The following FBLN2 variants were observed in gnomAD, a reference collection of about 807,000 sequenced individuals.
FBLN2 encodes fibulin-2.
A neutral mutation model predicts 123.7 loss-of-function variants in FBLN2; 81 were observed. That is an observed-to-expected ratio of 0.65 (90% CI 0.55 to 0.79). The LOEUF is 0.79. FBLN2 is among the 30% of genes least tolerant of loss of function. FBLN2 has a pLI of 0.00. For synonymous variants in FBLN2, 699 were observed against 701.4 expected (o/e 1.00, Z 0.05); for missense variants, 1,603 against 1,681.3 (o/e 0.95, Z 0.81).
At chr3:13,573,912 A>G (rs1285056054) in intron 2 of FBLN2, among the ~76,000 whole-genome samples, 1 of 151,622 alleles carries the variant, frequency 6.6e-6, no homozygotes, top group Non-Finnish European at 1.5e-5. Context: ...AAAAAAAAAA[A>G]AAAAGGGAAC....
chr3:13,621,330 C>G (rs568366570), intron 8 of FBLN2, among the ~76,000 whole-genome samples: 48 of 152,340 alleles, frequency 3.2e-4, no homozygotes, highest in African/African-American at 1.1e-3. Context: ...ATACAAGGGG[C>G]CCACACCCCT....
chr3:13,621,627 C>A, intron 8 of FBLN2, 148 bp from the exon 9 acceptor site: 1 of 776,000 alleles, frequency 1.3e-6, no homozygotes, highest in Non-Finnish European at 2.1e-6. Flanking sequence ...ACACTTGGGC[C>A]CAAGGCCCAG....
At position 13,571,570 on chromosome 3, in the gene FBLN2, G is replaced by A. The variant is rs1160133811; in HGVS notation, c.1215G>A (p.Val405=). 9.9e-6 allele frequency: 16 copies of A among 1,613,514 alleles called. No homozygotes were observed. Among genetic ancestry groups the A allele is most frequent in the Non-Finnish European group, 1.2e-5 (14 of 1,179,824 alleles). The change falls in exon 2 of 18, where the codon GTG becomes GTA. Residue 405 remains valine (V), a synonymous_variant. Coordinates refer to ENST00000404922, the MANE Select transcript of FBLN2 (RefSeq NM_001004019.2). ...CCTGGATCCCACCCACCCGAGAAGT[G>A]CCCAGGAAGCCGCAAGTTCTGCCCC... is the stretch of plus-strand genomic sequence containing the variant. ...DAAWIPPTRE[V]PRKPQVLPHS...
intron 1 of FBLN2, among the ~76,000 whole-genome samples, 174 bp from the exon 2 acceptor site, chr3:13,570,141 C>A (rs1703881612): frequency 1.3e-5 from 2 of 152,116 alleles, no homozygotes; most frequent in African/African-American, 2.4e-5. Context: ...GTGATCTGAC[C>A]CATGTGTGGC....
intron 1 of FBLN2, among the ~76,000 whole-genome samples, chr3:13,549,885 G>A (rs1289818896): frequency 1.3e-5 from 2 of 152,042 alleles, no homozygotes; most frequent in Admixed American, 6.5e-5. Flanking sequence ...CACATGCCTT[G>A]CACATTGGCA....
intron 2 of FBLN2, among the ~76,000 whole-genome samples, chr3:13,578,141 GTTTCTTTAAT>G (rs749622264): frequency 7.9e-5 from 12 of 152,194 alleles, no homozygotes; most frequent in Non-Finnish European, 1.5e-4. Flanking sequence ...CCTGCGGTGG[GTTTCTTTAAT>G]TTTAAAAACT....
chr3:13,573,400 G>C (rs1318274735), intron 2 of FBLN2, among the ~76,000 whole-genome samples: 1 of 152,058 alleles, frequency 6.6e-6, no homozygotes, highest in Non-Finnish European at 1.5e-5. Context: ...TGACCCCCAG[G>C]AGGAGTCAGA....
intron 1 of FBLN2, among the ~76,000 whole-genome samples, chr3:13,552,989 C>T (rs1264236931): frequency 6.6e-6 from 1 of 152,142 alleles, no homozygotes; most frequent in Admixed American, 6.5e-5. Flanking sequence ...GAGGAGAACG[C>T]TGAAGCCATG....
intron 10 of FBLN2, 25 bp from the exon 11 acceptor site, chr3:13,627,807 T>G: frequency 6.2e-7 from 1 of 1,605,152 alleles, no homozygotes; most frequent in African/African-American, 1.3e-5. Context: ...CCCCCAGCCC[T>G]TGACACCCAG....
chr3:13,568,805 C>G lies in FBLN2; in HGVS notation c.-41-1510C>G, dbSNP rs189331081. On this transcript the variant is annotated intron_variant, in intron 1 of 17. Transcript: ENST00000404922. ...TGGCGTTCAGTTCTCTACAGATTTG[C>G]TCTTGGGTTTATTATCTGCCCCTCC... 1.2e-5 allele frequency: 12 copies of G among 985,630 alleles called. No individual in the cohort carries two copies. In the East Asian group the frequency reaches 1.0e-3, roughly 84 times the overall value. The allele number at this position is 985,630 out of a possible 1,614,324, so 61.1% of individuals were successfully genotyped here. A position where few individuals can be genotyped will look rare whatever the true frequency, so the allele number is the denominator to read the frequency against.
At chr3:13,590,068 T>C (rs929252577) in intron 2 of FBLN2, among the ~76,000 whole-genome samples, 1 of 152,252 alleles carries the variant, frequency 6.6e-6, no homozygotes, top group African/African-American at 2.4e-5. Context: ...ATAGAAAGCA[T>C]TTCAAGCACC....
intron 2 of FBLN2, among the ~76,000 whole-genome samples, chr3:13,601,022 TTTTTG>T (rs747237813): frequency 2.3e-4 from 35 of 152,200 alleles, no homozygotes; most frequent in Admixed American, 7.9e-4. Context: ...CTACCGTGCA[TTTTTG>T]TTAAGGGTAG....
At chr3:13,555,601 C>A (rs946483859) in intron 1 of FBLN2, among the ~76,000 whole-genome samples, 4 of 152,030 alleles carry the variant, frequency 2.6e-5, no homozygotes, top group African/African-American at 9.7e-5. Context: ...ACTACAGGCG[C>A]CCGCCACCAT....
chr3:13,595,370 C>T (rs553326065), intron 2 of FBLN2, among the ~76,000 whole-genome samples: 4 of 152,248 alleles, frequency 2.6e-5, no homozygotes, highest in South Asian at 4.2e-4. Context: ...GCTGCCTGGC[C>T]GCTCCTGCTG....
chr3:13,618,809 C>A, intron 6 of FBLN2, 95 bp from the exon 7 acceptor site: 1 of 797,958 alleles, frequency 1.3e-6, no homozygotes, highest in Non-Finnish European at 2.1e-6. Context: ...AATGTCAGTG[C>A]CCTGTGTGAG....
At chr3:13,609,399 CG>C in intron 3 of FBLN2, 113 bp from the exon 4 acceptor site, 1 of 1,248,168 alleles carries the variant, frequency 8.0e-7, no homozygotes, top group African/African-American at 1.5e-5. Context: ...CCACCTGCAC[CG>C]GCTCCCTTGC....
chr3:13,579,908 C>T (rs971968511), intron 2 of FBLN2, among the ~76,000 whole-genome samples: 1 of 152,242 alleles, frequency 6.6e-6, no homozygotes, highest in African/African-American at 2.4e-5. Flanking sequence ...GTGAAGCTGA[C>T]CCTCAGCTCA....
intron 2 of FBLN2, among the ~76,000 whole-genome samples, chr3:13,591,919 TG>T (rs1704687223): frequency 1.3e-5 from 2 of 152,122 alleles, no homozygotes; most frequent in African/African-American, 4.8e-5. Context: ...CCCAGCACCA[TG>T]TGTTGAAAAG....
chr3:13,612,536 A>G (rs1434288066), intron 4 of FBLN2, among the ~76,000 whole-genome samples: 1 of 151,834 alleles, frequency 6.6e-6, no homozygotes, highest in African/African-American at 2.4e-5. Context: ...GCCCGCCACC[A>G]CGCCCGGCTG....
Sources: allele counts gnomAD v4.1 joint callset (sites outside exome capture counted in the v4.1 genomes callset), GRCh38; gene constraint gnomAD v4.1.1; transcripts MANE v1.5; gene names NCBI Gene and HGNC (gene_info 2026-07-23, HGNC 2026-07-21).